The following NF2 variants were observed in gnomAD, a reference collection of about 807,000 sequenced individuals.
NF2 encodes merlin.
Under a neutral mutation model 83.7 loss-of-function variants are expected in NF2, and 8 were observed. The ratio of observed to expected loss-of-function variants is 0.10; its 90% confidence interval spans 0.06 to 0.17. The LOEUF (loss-of-function observed/expected upper bound fraction) is 0.17. Among genes scored for constraint, NF2 ranks in the 10% least tolerant of loss-of-function variants. The pLI, the probability that NF2 is intolerant of heterozygous loss-of-function variation, is 1.00. For missense variants in NF2, 533 were observed against 744.4 expected (o/e 0.72, Z 3.31); for synonymous variants, 266 against 269.6 (o/e 0.99, Z 0.13).
chr22:29,623,290 C>T (rs550063494), intron 1 of NF2, among the ~76,000 whole-genome samples: 3 of 152,196 alleles, frequency 2.0e-5, no homozygotes, highest in African/African-American at 7.2e-5. Flanking sequence ...ATTGGAGGCT[C>T]ATGAAGCCCA....
chr22:29,665,993 A>G (rs1171490334), intron 9 of NF2, among the ~76,000 whole-genome samples: 1 of 152,130 alleles, frequency 6.6e-6, no homozygotes, highest in Non-Finnish European at 1.5e-5. Context: ...AAATGCTGTC[A>G]AGTATATATA....
intron 8 of NF2, among the ~76,000 whole-genome samples, chr22:29,661,762 G>A (rs1341710011): frequency 2.6e-5 from 4 of 151,776 alleles, no homozygotes; most frequent in South Asian, 2.1e-4. Context: ...ACAGGTGTGC[G>A]CCACAGCACC....
rs1385949032 is a variant in NF2, at chr22:29,630,453, CA to C, written c.115-6296del. Among the ~76,000 whole-genome samples, 5 of 152,302 alleles carry C rather than the reference CA, an allele frequency of 3.3e-5. No individual in the cohort carries two copies. The East Asian group carries it at 9.6e-4, about 29-fold the overall frequency. On this transcript the variant is annotated intron_variant, in intron 1 of 15. Transcript: ENST00000338641. The stretch of plus-strand genomic sequence containing the variant: ...TACACATCTATCCATGATATAGGCA[CA>C]AGTATATATCTATGAAATAGCACTG...
At chr22:29,660,256 G>A (rs945766827) in intron 7 of NF2, among the ~76,000 whole-genome samples, 1 of 152,212 alleles carries the variant, frequency 6.6e-6, no homozygotes, top group Non-Finnish European at 1.5e-5. Flanking sequence ...GGCCAGGACC[G>A]CTGTCAGGGG....
chr22:29,644,396 A>G (rs1011515101), intron 4 of NF2, among the ~76,000 whole-genome samples: 4 of 148,908 alleles, frequency 2.7e-5, no homozygotes, highest in African/African-American at 1.0e-4. Context: ...CACTTCCCAG[A>G]TGGGATGGCG....
intron 1 of NF2, among the ~76,000 whole-genome samples, chr22:29,632,888 T>C (rs1404386595): frequency 6.6e-6 from 1 of 152,106 alleles, no homozygotes; most frequent in Non-Finnish European, 1.5e-5. Flanking sequence ...CATGGTATAG[T>C]GGATGAGTGA....
Position 29,692,211 on chromosome 22 carries a change from G to A in NF2, c.1738-2541G>A, listed in dbSNP as rs539971416. 3.9e-5 allele frequency among the ~76,000 whole-genome samples: 6 copies of A among 152,326 alleles called. No homozygotes were observed. The South Asian group carries it at 1.2e-3, about 32-fold the overall frequency. ...TCTGCCTTCCCCTCTGACCGCCTCAGTGCCTTCTGGAGGACTGTGGCTCTC... is the reference window on the plus strand; with the variant it reads ...TCTGCCTTCCCCTCTGACCGCCTCAATGCCTTCTGGAGGACTGTGGCTCTC... On this transcript the variant is annotated intron_variant, in intron 15 of 15. Coordinates refer to ENST00000338641, the MANE Select transcript of NF2 (RefSeq NM_000268.4).
chr22:29,676,696 T>G (rs2009354), intron 13 of NF2, among the ~76,000 whole-genome samples: 11,185 of 152,260 alleles, frequency 0.073, 433 homozygotes, highest in African/African-American at 0.078. Context: ...TGAACATCCC[T>G]GAACACAAAT....
chr22:29,697,408 C>G lies in NF2; in HGVS notation c.*2606C>G, dbSNP rs993440157. ...CCTTGCTCAGCCAGGAGCACTTCCC[C>G]CTCCTTGAGGCAGGAATACTGAGGT... On this transcript the variant is annotated 3_prime_UTR_variant, in exon 16 of 16. Transcript: ENST00000338641. 1.0e-5 allele frequency: 2 copies of G among 191,904 alleles called. No homozygotes were observed. Among genetic ancestry groups the G allele is most frequent in the African/African-American group, 4.7e-5 (2 of 42,900 alleles). 11.9% of individuals were successfully genotyped at this position (191,904 alleles called of 1,614,324 possible).
chr22:29,611,071 A>G (rs2064940037), intron 1 of NF2, among the ~76,000 whole-genome samples: 1 of 152,236 alleles, frequency 6.6e-6, no homozygotes. Context: ...AGAATAAAAA[A>G]CAAAAATCAC....
chr22:29,650,567 C>T (rs2066119917), intron 4 of NF2, among the ~76,000 whole-genome samples: 1 of 149,174 alleles, frequency 6.7e-6, no homozygotes, highest in Non-Finnish European at 1.5e-5. Context: ...TCTCTCTCTC[C>T]TTCCTCCCTC....
intron 15 of NF2, among the ~76,000 whole-genome samples, chr22:29,689,217 G>T (rs563701104): frequency 6.8e-6 from 1 of 148,042 alleles, no homozygotes; most frequent in East Asian, 2.0e-4. Context: ...GTAAAGAAAA[G>T]CTTGATCTGG....
At chr22:29,663,367 C>T (rs533285126) in intron 8 of NF2, among the ~76,000 whole-genome samples, 4 of 152,186 alleles carry the variant, frequency 2.6e-5, no homozygotes, top group Non-Finnish European at 4.4e-5. Flanking sequence ...GGGGGACAGG[C>T]GCCATCATGT....
rs111789617 is a variant in NF2 at position 29,626,394 on chromosome 22, C to T, written c.115-10357C>T. 4.5e-3 allele frequency among the ~76,000 whole-genome samples: 684 copies of T among 152,182 alleles called. 4 individuals carry two copies. Among genetic ancestry groups the T allele is most frequent in the African/African-American group, 0.016 (653 of 41,500 alleles). On this transcript the variant is annotated intron_variant, in intron 1 of 15. Transcript: ENST00000338641. ...GTCTCGATCTCTTGATCTCGTGATC[C>T]ACCCGCTTCGGTCTCCCAAAGTGCT...
chr22:29,646,944 G>A (rs1380367733), intron 4 of NF2, among the ~76,000 whole-genome samples: 1 of 151,764 alleles, frequency 6.6e-6, no homozygotes, highest in African/African-American at 2.4e-5. Context: ...GCTGAGACAG[G>A]AGGATTGCTT....
At chr22:29,620,170 A>G (rs1364502375) in intron 1 of NF2, among the ~76,000 whole-genome samples, 2 of 152,022 alleles carry the variant, frequency 1.3e-5, no homozygotes, top group African/African-American at 4.8e-5. Flanking sequence ...GAGGCAGGAG[A>G]ATTGCTTGAA....
Position 29,604,073 on chromosome 22 carries a change from G to A in NF2, c.75G>A (p.Arg25=). 1 of 1,607,900 alleles carries A rather than the reference G, an allele frequency of 6.2e-7. No homozygotes were observed. Among genetic ancestry groups the A allele is most frequent in the South Asian group, 1.1e-5 (1 of 89,796 alleles). ...AGCAACCCAAGACGTTCACCGTGAG[G>A]ATCGTCACCATGGACGCCGAGATGG... ...KRKQPKTFTV[R]IVTMDAEMEF... is the part of the protein sequence containing the mutation. The change falls in exon 1 of 16, where the codon AGG becomes AGA. Residue 25 remains arginine, a synonymous_variant. Transcript: ENST00000338641.
rs1165401231 is a variant in NF2, at chr22:29,698,261, G to GT, written c.*3462dup. The GT allele has an allele frequency of 4.4e-6, 1 of 228,840 alleles. No homozygotes were observed. Among genetic ancestry groups the GT allele is most frequent in the Admixed American group, 5.7e-5 (1 of 17,634 alleles). The allele number at this position is 228,840 out of a possible 1,614,324, so 14.2% of individuals were successfully genotyped here. On this transcript the variant is annotated 3_prime_UTR_variant, in exon 16 of 16. Transcript: ENST00000338641. ...CTGTGTCTTGTAATTTTGGGGACAG[G>GT]TTTCTCTCTTTCCCTCTCTTTTTTT... is the stretch of plus-strand genomic sequence containing the variant.
rs569264741 is a variant in NF2, at chr22:29,605,636, T to C, written c.114+1524T>C. On this transcript the variant is annotated intron_variant, in intron 1 of 15. Coordinates refer to ENST00000338641, the MANE Select transcript of NF2 (RefSeq NM_000268.4). ...AAAATTCTTTTTTTAAAATCAACTA[T>C]TTAAACCCTCCGGCAATGGTCCTGA... 9.9e-5 allele frequency among the ~76,000 whole-genome samples: 15 copies of C among 152,204 alleles called. 1 individual carries two copies. The South Asian group carries it at 2.5e-3, about 25-fold the overall frequency.
Sources: allele counts gnomAD v4.1 joint callset (sites outside exome capture counted in the v4.1 genomes callset), GRCh38; gene constraint gnomAD v4.1.1; transcripts MANE v1.5; gene names NCBI Gene and HGNC (gene_info 2026-07-23, HGNC 2026-07-21).